The following FGD4 variants were observed in gnomAD, a reference collection of about 807,000 sequenced individuals.
The protein encoded by FGD4 is FYVE, RhoGEF and PH domain-containing protein 4.
A neutral mutation model predicts 102.0 loss-of-function variants in FGD4; 42 were observed. The ratio of observed to expected loss-of-function variants is 0.41; its 90% CI spans 0.32 to 0.53. The LOEUF is 0.53. Ranked by LOEUF, FGD4 falls within the 20% of genes least tolerant of loss-of-function variation. The pLI is 0.21. For synonymous variants in FGD4, 380 were observed against 375.7 expected, an observed-to-expected ratio of 1.01 and a Z score of -0.13; for missense variants, 902 against 1,078.2, an observed-to-expected ratio of 0.84 and a Z score of 2.29.
chr12:32,466,666 G>A (rs929552463), intron 1 of FGD4, among the ~76,000 whole-genome samples: 4 of 151,904 alleles, frequency 2.6e-5, no homozygotes, highest in Admixed American at 2.0e-4. Context: ...CCAGGAGTTC[G>A]AAACCAGCCT....
chr12:32,579,903 A>G (rs1450244217), intron 3 of FGD4, among the ~76,000 whole-genome samples: 2 of 150,250 alleles, frequency 1.3e-5, no homozygotes, highest in Non-Finnish European at 3.0e-5. Flanking sequence ...TCCCTGTTTC[A>G]TTCTCCAGTC....
At chr12:32,445,306 A>G (rs1288338438) in intron 1 of FGD4, among the ~76,000 whole-genome samples, 2 of 152,214 alleles carry the variant, frequency 1.3e-5, no homozygotes, top group South Asian at 2.1e-4. Context: ...ATAAATTTTT[A>G]TATGTTTAAT....
chr12:32,586,319 C>T (rs1429183023), intron 4 of FGD4, among the ~76,000 whole-genome samples: 1 of 152,050 alleles, frequency 6.6e-6, no homozygotes, highest in East Asian at 1.9e-4. Flanking sequence ...ATTGGCAAAG[C>T]ACAGAAAATA....
Position 32,399,850 on chromosome 12 carries a change from C to A in FGD4, c.57C>A (p.Asn19Lys), listed in dbSNP as rs1309658568. ...FRRVAIRRKS[N>K]PSYLPPGVPR... ...GGGTGGCGATCCGGCGGAAGTCCAA[C>A]CCCTCCTACCTGCCGCCCGGGGTGC... The change falls in exon 1 of 17, where the codon AAC (asparagine) becomes AAA (lysine). Residue 19 changes from asparagine (N) to lysine (K), a missense_variant. Around this residue, in one of 2 missense-constraint regions of FGD4, gnomAD observed 443 missense variants for 459.2 expected, o/e 0.96. Coordinates refer to ENST00000534526, the MANE Select transcript of FGD4 (RefSeq NM_001370298.3). The A allele has an allele frequency of 6.5e-7, 1 of 1,531,348 alleles. No homozygotes were observed. Among genetic ancestry groups the A allele is most frequent in the African/African-American group, 1.4e-5 (1 of 72,170 alleles). 94.9% of individuals were successfully genotyped at this position (1,531,348 alleles called of 1,614,324 possible).
chr12:32,436,571 T>TA (rs1194712541), intron 1 of FGD4, among the ~76,000 whole-genome samples: 1 of 152,246 alleles, frequency 6.6e-6, no homozygotes, highest in Non-Finnish European at 1.5e-5. Context: ...AGTTTGGTGT[T>TA]ACGCCTGGTT....
At chr12:32,586,445 C>T (rs1947038730) in intron 4 of FGD4, among the ~76,000 whole-genome samples, 2 of 152,190 alleles carry the variant, frequency 1.3e-5, no homozygotes, top group Admixed American at 1.3e-4. Context: ...TGTATGGTCA[C>T]TCTGTATCCT....
chr12:32,529,124 A>T (rs1941544311), intron 1 of FGD4, among the ~76,000 whole-genome samples: 2 of 150,728 alleles, frequency 1.3e-5, no homozygotes, highest in Admixed American at 1.3e-4. Context: ...ATTATGCATC[A>T]TTTTTTTTTG....
intron 1 of FGD4, among the ~76,000 whole-genome samples, chr12:32,522,502 C>A (rs1189220777): frequency 6.6e-6 from 1 of 152,164 alleles, no homozygotes; most frequent in Non-Finnish European, 1.5e-5. Flanking sequence ...TGAAAGCCTT[C>A]CTTCTTCTCT....
At chr12:32,419,684 A>G (rs538936119) in intron 1 of FGD4, among the ~76,000 whole-genome samples, 1 of 152,296 alleles carries the variant, frequency 6.6e-6, no homozygotes, top group Admixed American at 6.5e-5. Flanking sequence ...CCTCAAGACC[A>G]CTTAGGGCCC....
intron 1 of FGD4, among the ~76,000 whole-genome samples, chr12:32,500,664 C>G (rs1191676005): frequency 1.3e-5 from 2 of 151,984 alleles, no homozygotes; most frequent in African/African-American, 2.4e-5. Flanking sequence ...GAGATCCTGA[C>G]CTTGTGATCC....
intron 1 of FGD4, among the ~76,000 whole-genome samples, chr12:32,561,897 T>C (rs1205352045): frequency 6.6e-6 from 1 of 152,230 alleles, no homozygotes; most frequent in African/African-American, 2.4e-5. Flanking sequence ...GACCATGTTA[T>C]CTGTATAATC....
intron 1 of FGD4, among the ~76,000 whole-genome samples, chr12:32,465,528 C>T (rs1042240978): frequency 2.0e-5 from 3 of 151,952 alleles, no homozygotes; most frequent in African/African-American, 4.8e-5. Context: ...ATTAGCTGGG[C>T]GTGGTGGCGC....
chr12:32,638,607 A>G (rs1260031049), intron 15 of FGD4, 48 bp from the exon 16 acceptor site: 2 of 1,608,040 alleles, frequency 1.2e-6, no homozygotes, highest in Non-Finnish European at 1.7e-6. Flanking sequence ...ATATTTCTCT[A>G]TCTGATTTGT....
At chr12:32,578,405 C>A (rs1221983313) in intron 3 of FGD4, among the ~76,000 whole-genome samples, 1 of 150,084 alleles carries the variant, frequency 6.7e-6, no homozygotes, top group Non-Finnish European at 1.5e-5. Flanking sequence ...TCATTTTTAA[C>A]CTTCCTTATG....
At chr12:32,515,236 T>A (rs1220321630) in intron 1 of FGD4, among the ~76,000 whole-genome samples, 1 of 152,188 alleles carries the variant, frequency 6.6e-6, no homozygotes, top group African/African-American at 2.4e-5. Context: ...TGTCCCTGCT[T>A]CTGGAAAGGG....
intron 1 of FGD4, among the ~76,000 whole-genome samples, chr12:32,467,321 C>T (rs779880631): frequency 6.6e-5 from 10 of 152,144 alleles, no homozygotes; most frequent in Non-Finnish European, 1.3e-4. Context: ...ATTCTGTCTC[C>T]ATTCTAAGGG....
In FGD4 at chr12:32,642,542, A is replaced by G. The variant is rs1428217167; in HGVS notation, c.*2009A>G. ...AAAGCAAGAAGACTACACTTTCCCTACCAAAACAGAAGTAACATGGACACA... is the reference window on the plus strand; with the variant it reads ...AAAGCAAGAAGACTACACTTTCCCTGCCAAAACAGAAGTAACATGGACACA... On this transcript the variant is annotated 3_prime_UTR_variant, in exon 17 of 17. Coordinates refer to ENST00000534526, the MANE Select transcript of FGD4 (RefSeq NM_001370298.3). 1 of 152,134 alleles carries G rather than the reference A, an allele frequency of 6.6e-6. No homozygotes were observed. The highest frequency in any genetic ancestry group is 1.5e-5 in the Non-Finnish European group (1 of 67,972). 9.4% of individuals were successfully genotyped at this position (152,134 alleles called of 1,614,324 possible).
At chr12:32,595,988 C>A (rs1363687565) in intron 4 of FGD4, among the ~76,000 whole-genome samples, 1 of 152,132 alleles carries the variant, frequency 6.6e-6, no homozygotes, top group Non-Finnish European at 1.5e-5. Flanking sequence ...ATGTGGTGAA[C>A]ATAGTGAAGT....
chr12:32,635,883 G>T (rs1301638256), intron 15 of FGD4, among the ~76,000 whole-genome samples: 1 of 151,750 alleles, frequency 6.6e-6, no homozygotes, highest in Non-Finnish European at 1.5e-5. Context: ...GTAGTGGTGT[G>T]CCCCTGTAAT....
Sources: gnomAD v4.1 joint callset for allele counts (sites outside exome capture counted in the v4.1 genomes callset) on GRCh38, gnomAD v4.1.1 for gene constraint, gnomAD v4.1.1 regional missense constraint, MANE v1.5 for transcripts, NCBI Gene and HGNC (gene_info 2026-07-23, HGNC 2026-07-21) for gene names.